CACNA2D3: variants seen among roughly 807,000 people sequenced by gnomAD.
The protein encoded by CACNA2D3 is calcium voltage-gated channel auxiliary subunit alpha2delta 3, also known as voltage-dependent calcium channel subunit alpha-2/delta-3.
A neutral mutation model predicts 160.6 loss-of-function variants in CACNA2D3; 60 were observed. That is an observed-to-expected ratio of 0.37 (90% CI 0.30 to 0.46). CACNA2D3 has a LOEUF of 0.46. Ranked by LOEUF, CACNA2D3 falls within the 20% of genes least tolerant of loss-of-function variation. The probability of loss-of-function intolerance (pLI) is 1.00; values close to 1 mark genes in which losing one functional copy is unlikely to be tolerated. For synonymous variants in CACNA2D3, 558 were observed against 492.9 expected (o/e 1.13, Z -1.75); for missense variants, 1,205 against 1,365.0 (o/e 0.88, Z 1.85).
At chr3:54,565,165 A>G (rs1169151203) in intron 6 of CACNA2D3, among the ~76,000 whole-genome samples, 2 of 152,150 alleles carry the variant, frequency 1.3e-5, no homozygotes, top group Non-Finnish European at 2.9e-5. Flanking sequence ...AAGGTCAGCC[A>G]TCCGAAACCC....
chr3:55,061,311 G>A (rs1369582767), intron 35 of CACNA2D3, among the ~76,000 whole-genome samples: 1 of 152,218 alleles, frequency 6.6e-6, no homozygotes, highest in Non-Finnish European at 1.5e-5. Context: ...CTGGTGAAAC[G>A]GAGCAGAAGA....
intron 4 of CACNA2D3, among the ~76,000 whole-genome samples, chr3:54,393,697 C>T (rs369766685): frequency 7.9e-5 from 12 of 152,222 alleles, no homozygotes; most frequent in East Asian, 1.9e-4. Flanking sequence ...TACATCAACT[C>T]GTGGGGAAAT....
chr3:54,138,322 G>A (rs1011921448), intron 2 of CACNA2D3, among the ~76,000 whole-genome samples: 1 of 152,248 alleles, frequency 6.6e-6, no homozygotes, highest in Non-Finnish European at 1.5e-5. Context: ...GAGATGGCAT[G>A]CTGGGGAGCA....
intron 17 of CACNA2D3, among the ~76,000 whole-genome samples, chr3:54,867,069 T>A (rs1699417723): frequency 6.6e-6 from 1 of 152,216 alleles, no homozygotes; most frequent in Non-Finnish European, 1.5e-5. Context: ...TTAATCACAT[T>A]TTCAAAGGAA....
At chr3:54,536,764 C>T (rs2106653092) in intron 5 of CACNA2D3, among the ~76,000 whole-genome samples, 1 of 152,322 alleles carries the variant, frequency 6.6e-6, no homozygotes. Context: ...TTCTGCAGAG[C>T]ATCTTTCCTC....
At position 55,063,499 on chromosome 3, in the gene CACNA2D3, C is replaced by G. The variant is rs535375934; in HGVS notation, c.2988-9946C>G. ...ATGCAAAATGAAACAAAACAAAATG[C>G]TCTTCAGGTGATTCCAGTGAGCAAC... On this transcript the variant is annotated intron_variant, in intron 35 of 37. Transcript: ENST00000474759. Among the ~76,000 whole-genome samples, 8 of 152,222 alleles carry G rather than the reference C, an allele frequency of 5.3e-5. No homozygotes were observed. In the South Asian group the frequency reaches 1.7e-3, roughly 32 times the overall value.
chr3:54,211,639 G>A (rs1701374240), intron 2 of CACNA2D3, among the ~76,000 whole-genome samples: 1 of 152,030 alleles, frequency 6.6e-6, no homozygotes, highest in Non-Finnish European at 1.5e-5. Context: ...CATATTTTTT[G>A]TAAAGTGAAT....
intron 11 of CACNA2D3, among the ~76,000 whole-genome samples, chr3:54,721,835 C>T (rs1407437041): frequency 1.3e-5 from 2 of 151,798 alleles, no homozygotes; most frequent in East Asian, 3.9e-4. Context: ...TCTCTGGCTG[C>T]CTTAACATTT....
At chr3:54,953,087 A>G (rs1701798153) in intron 27 of CACNA2D3, among the ~76,000 whole-genome samples, 1 of 152,194 alleles carries the variant, frequency 6.6e-6, no homozygotes, top group Admixed American at 6.5e-5. Flanking sequence ...TAAATAATGC[A>G]TGTATTTAAT....
chr3:55,007,664 C>T (rs897543928), intron 32 of CACNA2D3, 126 bp from the exon 33 acceptor site: 3 of 636,152 alleles, frequency 4.7e-6, no homozygotes, highest in Middle Eastern at 2.5e-4. Context: ...GCTAGAACGC[C>T]ACTGTTTTTT....
At chr3:54,586,405 A>C (rs1005400520) in intron 9 of CACNA2D3, among the ~76,000 whole-genome samples, 4 of 152,212 alleles carry the variant, frequency 2.6e-5, no homozygotes, top group African/African-American at 9.6e-5. Flanking sequence ...TCTTCAGGGC[A>C]AAGAAAATTA....
At chr3:54,376,222 G>A (rs1699009793) in intron 3 of CACNA2D3, among the ~76,000 whole-genome samples, 1 of 147,168 alleles carries the variant, frequency 6.8e-6, no homozygotes, top group South Asian at 2.2e-4. Flanking sequence ...CAGCTCTGCA[G>A]ACAGGAGAGA....
At chr3:54,517,395 G>A (rs1166865392) in intron 5 of CACNA2D3, among the ~76,000 whole-genome samples, 1 of 152,156 alleles carries the variant, frequency 6.6e-6, no homozygotes, top group African/African-American at 2.4e-5. Flanking sequence ...AGGAAGCATT[G>A]GTGTGGGTAT....
chr3:55,012,250 T>C (rs1321307056), intron 34 of CACNA2D3, among the ~76,000 whole-genome samples: 1 of 152,098 alleles, frequency 6.6e-6, no homozygotes, highest in African/African-American at 2.4e-5. Flanking sequence ...GCCAAGCCCT[T>C]GTGCAAGTAC....
chr3:54,319,143 G>C (rs917306907), intron 2 of CACNA2D3, among the ~76,000 whole-genome samples: 9 of 143,306 alleles, frequency 6.3e-5, no homozygotes, highest in Non-Finnish European at 1.1e-4. Flanking sequence ...GAACAAGGAA[G>C]GGAAGCATTT....
intron 2 of CACNA2D3, among the ~76,000 whole-genome samples, chr3:54,250,902 G>A (rs1173629381): frequency 6.6e-6 from 1 of 152,096 alleles, no homozygotes; most frequent in East Asian, 1.9e-4. Context: ...GCTGGGTAGT[G>A]AGTTGGTTTG....
chr3:54,682,980 G>C (rs1200193980), intron 11 of CACNA2D3, among the ~76,000 whole-genome samples: 2 of 152,084 alleles, frequency 1.3e-5, no homozygotes, highest in East Asian at 3.9e-4. Context: ...GTGAAAATAG[G>C]AAAAGCAAAA....
chr3:54,218,613 T>A (rs1701506468), intron 2 of CACNA2D3, among the ~76,000 whole-genome samples: 1 of 152,218 alleles, frequency 6.6e-6, no homozygotes, highest in African/African-American at 2.4e-5. Context: ...TGTGTTAGTT[T>A]CTTTTTGCTG....
At chr3:54,431,802 T>C (rs1699994845) in intron 4 of CACNA2D3, among the ~76,000 whole-genome samples, 1 of 152,126 alleles carries the variant, frequency 6.6e-6, no homozygotes, top group Admixed American at 6.6e-5. Flanking sequence ...AGACGGGGTT[T>C]CAGCTGTGTT....
Sources: gnomAD v4.1 joint callset for allele counts (sites outside exome capture counted in the v4.1 genomes callset) on GRCh38, gnomAD v4.1.1 for gene constraint, MANE v1.5 for transcripts, NCBI Gene and HGNC (gene_info 2026-07-23, HGNC 2026-07-21) for gene names.